The following C19orf44 variants were observed in gnomAD, a reference collection of about 807,000 sequenced individuals.
C19orf44 encodes the protein uncharacterized protein C19orf44.
In C19orf44, 43 loss-of-function variants were observed where a neutral mutation model predicts 50.7. The ratio of observed to expected loss-of-function variants is 0.85; its 90% CI spans 0.66 to 1.09. C19orf44 has a LOEUF of 1.09. Among genes scored for constraint, C19orf44 ranks in the 50% least tolerant of loss-of-function variants. The pLI is 0.00. For synonymous variants in C19orf44, 298 were observed against 334.7 expected, an observed-to-expected ratio of 0.89 and a Z score of 1.20; for missense variants, 722 against 836.2, an observed-to-expected ratio of 0.86 and a Z score of 1.68.
chr19:16,519,371 TCA>T lies in C19orf44; in HGVS notation c.*41-720_*41-719del. On this transcript the variant is annotated intron_variant, in intron 8 of 8. Coordinates refer to ENST00000221671, the MANE Select transcript of C19orf44 (RefSeq NM_032207.4). The surrounding 1 kb of genome is among the most constrained non-coding windows in gnomAD (Gnocchi z 6.0). Reference sequence around the variant, plus strand: ...CTCCAGCCTGGAAACAGAGACGCAGTCACAACCACAACAAGGCGGAGGCAGAT... The same window carrying T: ...CTCCAGCCTGGAAACAGAGACGCAGTCAACCACAACAAGGCGGAGGCAGAT... The T allele has an allele frequency of 1.2e-6, 2 of 1,606,856 alleles. No homozygotes were observed. The highest frequency in any genetic ancestry group is 1.7e-6 in the Non-Finnish European group (2 of 1,177,776).
At chr19:16,514,343 C>T (rs1003606870) in intron 6 of C19orf44, among the ~76,000 whole-genome samples, 154 bp from the exon 7 acceptor site, 15 of 151,162 alleles carry the variant, frequency 9.9e-5, no homozygotes, top group South Asian at 4.2e-4. Flanking sequence ...GTGATGGCAC[C>T]GCTGTACTCC....
chr19:16,508,383 A>C (rs1191103308), intron 4 of C19orf44, among the ~76,000 whole-genome samples: 1 of 151,972 alleles, frequency 6.6e-6, no homozygotes, highest in Non-Finnish European at 1.5e-5. Context: ...GATTACAGGC[A>C]TGCGCCACCA....
chr19:16,517,426 G>A, intron 8 of C19orf44, 85 bp downstream of exon 8: 1 of 957,534 alleles, frequency 1.0e-6, no homozygotes. Context: ...CCGTGGTGGG[G>A]GCAGGTGGTA....
chr19:16,505,809 G>A (rs1351229810), intron 3 of C19orf44, among the ~76,000 whole-genome samples: 1 of 152,110 alleles, frequency 6.6e-6, no homozygotes, highest in African/African-American at 2.4e-5. Flanking sequence ...AGCCTCCTGA[G>A]TGGCTGGGAC....
chr19:16,497,525 ATTG>A (rs2093413317), intron 1 of C19orf44, among the ~76,000 whole-genome samples: 1 of 150,888 alleles, frequency 6.6e-6, no homozygotes, highest in South Asian at 2.1e-4. Context: ...TAATTTTTGT[ATTG>A]TTAGTAGAGA....
Position 16,501,494 on chromosome 19 carries a change from G to A in C19orf44, c.702G>A (p.Thr234=), listed in dbSNP as rs774641690. The A allele has an allele frequency of 2.6e-5, 42 of 1,595,864 alleles. No homozygotes were observed. The highest frequency in any genetic ancestry group is 3.5e-5 in the Non-Finnish European group (41 of 1,172,256). The change falls in exon 2 of 9, where the codon ACG becomes ACA. Residue 234 remains threonine, a synonymous_variant. Transcript: ENST00000221671. The stretch of plus-strand genomic sequence containing the variant: ...TGGACTCTTCTAGAGAAAAAAACAC[G>A]AATCAAGGCTTCAGCAGCGCTAACG... ...SLMDSSREKN[T]NQGFSSANVS...
chr19:16,512,072 T>C (rs1309760471), intron 5 of C19orf44, among the ~76,000 whole-genome samples: 2 of 151,166 alleles, frequency 1.3e-5, no homozygotes, highest in East Asian at 3.9e-4. Context: ...CTATTTGTTT[T>C]GATTTGGGGG....
At chr19:16,517,430 G>C in intron 8 of C19orf44, 89 bp downstream of exon 8, 1 of 887,864 alleles carries the variant, frequency 1.1e-6, no homozygotes, top group Non-Finnish European at 1.8e-6. Context: ...GGTGGGGGCA[G>C]GTGGTACTGG....
Position 16,501,393 on chromosome 19 carries a change from C to T in C19orf44, c.601C>T (p.Gln201Ter). ...AGAGAGGACTTTGCAAACCCCCAAACAGAAAGAACCTGCTAGAACATTTGA... is the reference window on the plus strand; with the variant it reads ...AGAGAGGACTTTGCAAACCCCCAAATAGAAAGAACCTGCTAGAACATTTGA... Reference protein sequence around the residue: ...GKERTLQTPKQKEPARTFDSP... With the variant: ...GKERTLQTPK Residue 201 changes from glutamine to a stop codon, truncating the protein, a stop_gained, in exon 2 of 9, where the codon CAG becomes TAG. Transcript: ENST00000221671. LOFTEE classifies it high-confidence loss of function. 1 of 1,613,924 alleles carries T rather than the reference C, an allele frequency of 6.2e-7. No individual in the cohort carries two copies. Among genetic ancestry groups the T allele is most frequent in the Non-Finnish European group, 8.5e-7 (1 of 1,179,990 alleles).
At chr19:16,517,113 G>A in intron 7 of C19orf44, 117 bp from the exon 8 acceptor site, 1 of 921,508 alleles carries the variant, frequency 1.1e-6, no homozygotes, top group South Asian at 1.6e-5. Context: ...TTACACTTCT[G>A]TCACTGACAG....
intron 3 of C19orf44, among the ~76,000 whole-genome samples, chr19:16,503,695 G>T (rs1251577655): frequency 1.3e-5 from 2 of 152,184 alleles, no homozygotes; most frequent in Non-Finnish European, 2.9e-5. Context: ...CTCCTGACCA[G>T]CTGGGACCAC....
At position 16,496,427 on chromosome 19, in the gene C19orf44, T is replaced by C. The variant is rs11878957; in HGVS notation, c.-40T>C. 113 of 400,528 alleles carry C rather than the reference T, an allele frequency of 2.8e-4. 1 individual carries two copies. Among genetic ancestry groups the C allele is most frequent in the African/African-American group, 2.2e-3 (106 of 49,242 alleles). The allele number at this position is 400,528 out of a possible 1,614,324, so 24.8% of individuals were successfully genotyped here. The stretch of plus-strand genomic sequence containing the variant: ...GGGCAACCGCTCCTTCAGGCGTGAA[T>C]GTGGCGGCTGCCTCTGCGAATGGAC... On this transcript the variant is annotated 5_prime_UTR_variant, in exon 1 of 9. It removes an upstream start codon present in the reference 5' UTR. Coordinates refer to ENST00000221671, the MANE Select transcript of C19orf44 (RefSeq NM_032207.4).
chr19:16,515,557 T>C (rs1240438122), intron 7 of C19orf44, among the ~76,000 whole-genome samples: 2 of 152,042 alleles, frequency 1.3e-5, no homozygotes, highest in Admixed American at 6.6e-5. Flanking sequence ...TTGACGGAGT[T>C]TTGCTCTTGT....
Position 16,519,582 on chromosome 19 carries a change from G to C in C19orf44, c.*41-512G>C. ...GGTGACTCCCGGGCCCAGCACGCGT[G>C]AGGACCCATCCCGCGCCCTCCCCAT... is the stretch of plus-strand genomic sequence containing the variant. On this transcript the variant is annotated intron_variant, in intron 8 of 8. Transcript: ENST00000221671. The surrounding 1 kb of genome is among the most constrained non-coding windows in gnomAD (Gnocchi z 6.0). 6.4e-7 allele frequency: 1 copy of C among 1,556,042 alleles called. No homozygotes were observed. The highest frequency in any genetic ancestry group is 8.9e-7 in the Non-Finnish European group (1 of 1,127,480).
intron 7 of C19orf44, 73 bp from the exon 8 acceptor site, chr19:16,517,157 C>T: frequency 2.1e-6 from 3 of 1,408,218 alleles, no homozygotes; most frequent in Non-Finnish European, 3.0e-6. Context: ...GCTCCACTCC[C>T]TCCTCCAGCA....
chr19:16,514,516 G>A lies in C19orf44; in HGVS notation c.1755G>A (p.Pro585=), dbSNP rs759154582. 25 of 1,611,080 alleles carry A rather than the reference G, an allele frequency of 1.6e-5. No individual in the cohort carries two copies. Among genetic ancestry groups the A allele is most frequent in the Admixed American group, 6.7e-5 (4 of 59,840 alleles). ...GGTCAGCCCTGACCGCTTACAGCCC[G>A]GCCGTGCTGGCACTCCATGATGTGC... is the stretch of plus-strand genomic sequence containing the variant. ...DAIEALTAYS[P]AVLALHDVLK... The change falls in exon 7 of 9, where the codon CCG becomes CCA. Residue 585 remains proline, a synonymous_variant. Transcript: ENST00000221671.
chr19:16,501,946 G>T (rs1157415684), intron 2 of C19orf44, among the ~76,000 whole-genome samples: 2 of 140,732 alleles, frequency 1.4e-5, no homozygotes, highest in Non-Finnish European at 3.0e-5. Flanking sequence ...TTTCGTTCTT[G>T]TTGCCCAGGC....
chr19:16,509,067 G>T (rs1197804204), intron 4 of C19orf44, among the ~76,000 whole-genome samples: 3 of 151,888 alleles, frequency 2.0e-5, no homozygotes, highest in Non-Finnish European at 2.9e-5. Flanking sequence ...TGATCTGCCC[G>T]CCTTGGCCTC....
chr19:16,515,228 A>G (rs1445031277), intron 7 of C19orf44, among the ~76,000 whole-genome samples: 1 of 152,010 alleles, frequency 6.6e-6, no homozygotes, highest in Non-Finnish European at 1.5e-5. Flanking sequence ...CAGGATGGTG[A>G]CGGGCGCCTG....
Sources: gnomAD v4.1 joint callset for allele counts (sites outside exome capture counted in the v4.1 genomes callset) on GRCh38, gnomAD v4.1.1 for gene constraint, Gnocchi (gnomAD v3.1) non-coding constraint, MANE v1.5 for transcripts, NCBI Gene and HGNC (gene_info 2026-07-23, HGNC 2026-07-21) for gene names.